CPO: variants seen among roughly 807,000 people sequenced by gnomAD.
CPO encodes the protein carboxypeptidase O, also known as metallocarboxypeptidase C.
Under a neutral mutation model 41.2 loss-of-function variants are expected in CPO, and 43 were observed. The observed-to-expected ratio is 1.04, with a 90% CI of 0.82 to 1.35. CPO has a LOEUF of 1.35. Ranked by LOEUF, CPO falls within the 40% of genes most tolerant of loss-of-function variation. CPO has a pLI of 0.00. For missense variants in CPO, 408 were observed against 451.7 expected, an observed-to-expected ratio of 0.90 and a Z score of 0.88; for synonymous variants, 178 against 162.7, an observed-to-expected ratio of 1.09 and a Z score of -0.72.
At chr2:206,943,896 A>AT (rs1463274072) in intron 1 of CPO, among the ~76,000 whole-genome samples, 1 of 152,072 alleles carries the variant, frequency 6.6e-6, no homozygotes, top group Non-Finnish European at 1.5e-5. Flanking sequence ...TGAGTTTGGA[A>AT]TTCTCTCTCT....
At chr2:206,956,330 G>A (rs964890267) in intron 3 of CPO, among the ~76,000 whole-genome samples, 2 of 152,108 alleles carry the variant, frequency 1.3e-5, no homozygotes, top group African/African-American at 4.8e-5. Flanking sequence ...ACACTCTCTA[G>A]GTGATCCTAA....
intron 1 of CPO, among the ~76,000 whole-genome samples, chr2:206,944,131 G>A (rs778502775): frequency 6.6e-6 from 1 of 151,822 alleles, no homozygotes; most frequent in Non-Finnish European, 1.5e-5. Context: ...ATACCCACTG[G>A]GTGGTTGAGT....
At chr2:206,948,376 A>G (rs1438694516) in intron 1 of CPO, among the ~76,000 whole-genome samples, 2 of 152,240 alleles carry the variant, frequency 1.3e-5, no homozygotes, top group African/African-American at 4.8e-5. Context: ...TTCTGAAAAG[A>G]CAAAACTATG....
At chr2:206,965,462 T>C (rs1033727341) in intron 7 of CPO, among the ~76,000 whole-genome samples, 1 of 152,136 alleles carries the variant, frequency 6.6e-6, no homozygotes, top group Non-Finnish European at 1.5e-5. Flanking sequence ...GTAAATATTA[T>C]ACTACATGAT....
Position 206,969,045 on chromosome 2 carries a change from A to G in CPO, c.863-129A>G, listed in dbSNP as rs571290501. ...AACCAAGAAGAAAGAGAAGACAGCT[A>G]TTTCTGAGACCCTGATCTAAAAGAG... On this transcript the variant is annotated intron_variant, in intron 8 of 8. Coordinates refer to ENST00000272852, the MANE Select transcript of CPO (RefSeq NM_173077.3). 5.8e-5 allele frequency: 55 copies of G among 953,712 alleles called. 4 individuals carry two copies. In the South Asian group the frequency reaches 8.7e-4, roughly 15 times the overall value. The allele number at this position is 953,712 out of a possible 1,614,324, so 59.1% of individuals were successfully genotyped here.
intron 1 of CPO, among the ~76,000 whole-genome samples, chr2:206,946,068 A>G (rs560818776): frequency 6.6e-6 from 1 of 152,148 alleles, no homozygotes; most frequent in African/African-American, 2.4e-5. Flanking sequence ...TAAGGAAAAA[A>G]TTATACCAAT....
intron 7 of CPO, 121 bp from the exon 8 acceptor site, chr2:206,968,142 G>T (rs752629060): frequency 6.4e-5 from 46 of 720,302 alleles, no homozygotes; most frequent in Non-Finnish European, 1.1e-4. Flanking sequence ...GTAGATGTCC[G>T]ATGGGAAGTT....
At chr2:206,955,126 T>C (rs1456648363) in intron 2 of CPO, among the ~76,000 whole-genome samples, 1 of 152,242 alleles carries the variant, frequency 6.6e-6, no homozygotes, top group Non-Finnish European at 1.5e-5. Context: ...ATTTCTGGCA[T>C]GATTGTGTGC....
At chr2:206,948,618 G>A (rs763896226) in intron 1 of CPO, among the ~76,000 whole-genome samples, 17 of 152,060 alleles carry the variant, frequency 1.1e-4, no homozygotes, top group Admixed American at 3.9e-4. Flanking sequence ...AAAAATTAGC[G>A]GAGTGTAGTG....
intron 1 of CPO, 75 bp from the exon 2 acceptor site, chr2:206,949,542 T>C (rs1693210089): frequency 9.2e-7 from 1 of 1,092,610 alleles, no homozygotes; most frequent in Non-Finnish European, 1.4e-6. Context: ...TCTACTACCT[T>C]TTTCAACAAC....
chr2:206,957,947 G>A (rs553132367), intron 3 of CPO, among the ~76,000 whole-genome samples: 1 of 152,282 alleles, frequency 6.6e-6, no homozygotes, highest in Admixed American at 6.5e-5. Flanking sequence ...TAAGTGCAAA[G>A]GTTTTATAAG....
At chr2:206,968,232 A>G in intron 7 of CPO, 31 bp from the exon 8 acceptor site, 1 of 1,379,540 alleles carries the variant, frequency 7.2e-7, no homozygotes, top group Non-Finnish European at 1.0e-6. Flanking sequence ...TTTAAACACC[A>G]GATATCTGTC....
At chr2:206,945,205 T>C (rs997456023) in intron 1 of CPO, among the ~76,000 whole-genome samples, 4 of 148,392 alleles carry the variant, frequency 2.7e-5, no homozygotes, top group African/African-American at 7.4e-5. Context: ...TGAGCATTTT[T>C]TGAATGCTCA....
In CPO at chr2:206,952,223, C is replaced by T. The variant is rs1296137692; in HGVS notation, c.165+2510C>T. On this transcript the variant is annotated intron_variant, in intron 2 of 8. Transcript: ENST00000272852. ...CCACCTCCTGGGTTCAAGCAATTCT[C>T]TGCCTCAGCCTCCTGAGTAGCTGAG... 2.0e-5 allele frequency among the ~76,000 whole-genome samples: 3 copies of T among 151,986 alleles called. No individual in the cohort carries two copies. The South Asian group carries it at 6.2e-4, about 32-fold the overall frequency.
chr2:206,969,348 C>T lies in CPO; in HGVS notation c.1037C>T (p.Ala346Val), dbSNP rs144914072. 60 of 1,613,930 alleles carry T rather than the reference C, an allele frequency of 3.7e-5. No homozygotes were observed. The African/African-American group carries it at 4.0e-4, about 11-fold the overall frequency. Residue 346 changes from alanine to valine, a missense_variant, in exon 9 of 9, where the codon GCG becomes GTG. Transcript: ENST00000272852. ...AVLSVLDDVY[A>V]KHWHSDSAGR... Reference sequence around the variant, plus strand: ...CTGTCAGTCCTGGATGATGTGTATGCGAAACACTGGCACTCGGACAGTGCT... The same window carrying T: ...CTGTCAGTCCTGGATGATGTGTATGTGAAACACTGGCACTCGGACAGTGCT...
At chr2:206,963,513 C>T (rs900253719) in intron 7 of CPO, among the ~76,000 whole-genome samples, 3 of 152,276 alleles carry the variant, frequency 2.0e-5, no homozygotes, top group East Asian at 3.9e-4. Context: ...TCTTCCTACA[C>T]GAGTCCCTCA....
rs182416918 is a variant in CPO at position 206,963,749 on chromosome 2, A to G, written c.777+1135A>G. 4.5e-4 allele frequency among the ~76,000 whole-genome samples: 68 copies of G among 152,316 alleles called. 2 individuals carry two copies. Among genetic ancestry groups the G allele is most frequent in the Admixed American group, 1.3e-3 (20 of 15,296 alleles). On this transcript the variant is annotated intron_variant, in intron 7 of 8. Coordinates refer to ENST00000272852, the MANE Select transcript of CPO (RefSeq NM_173077.3). ...GTTCATCCCATCCTCTTATCTGTCA[A>G]CGGACACACTTGGGTTGCTTTCACC...
chr2:206,942,028 C>T (rs1222077387), intron 1 of CPO, among the ~76,000 whole-genome samples: 1 of 152,020 alleles, frequency 6.6e-6, no homozygotes, highest in Non-Finnish European at 1.5e-5. Flanking sequence ...AAGGTATTAT[C>T]TCTAGAATTA....
At chr2:206,939,717 A>G in intron 1 of CPO, 50 bp downstream of exon 1, 1 of 1,518,562 alleles carries the variant, frequency 6.6e-7, no homozygotes, top group East Asian at 2.3e-5. Flanking sequence ...TAGATTGTCT[A>G]AATTGAATGG....
Sources: allele counts gnomAD v4.1 joint callset (sites outside exome capture counted in the v4.1 genomes callset), GRCh38; gene constraint gnomAD v4.1.1; transcripts MANE v1.5; gene names NCBI Gene and HGNC (gene_info 2026-07-23, HGNC 2026-07-21).